Variants in PCDHGA3 observed in about 807,000 individuals in gnomAD.
PCDHGA3 encodes the protein protocadherin gamma-A3.
A neutral mutation model predicts 58.5 loss-of-function variants in PCDHGA3; 40 were observed. That is an observed-to-expected ratio of 0.68 (90% CI 0.53 to 0.89). The LOEUF (loss-of-function observed/expected upper bound fraction) is 0.89, where lower values mean the gene tolerates loss of function less well. Ranked by LOEUF, PCDHGA3 falls within the 40% of genes least tolerant of loss-of-function variation. The probability of loss-of-function intolerance (pLI) is 0.00; values close to 1 mark genes in which losing one functional copy is unlikely to be tolerated. For synonymous variants in PCDHGA3, 530 were observed against 525.7 expected, an observed-to-expected ratio of 1.01 and a Z score of -0.11; for missense variants, 1,223 against 1,195.9, an observed-to-expected ratio of 1.02 and a Z score of -0.33.
rs1228384684 is a variant in PCDHGA3 at position 141,432,189 on chromosome 5, A to G, written c.2425-62618A>G. On this transcript the variant is annotated intron_variant, in intron 1 of 3. Coordinates refer to ENST00000253812, the MANE Select transcript of PCDHGA3 (RefSeq NM_018916.4). This position sits in a 1 kb window ranked among gnomAD's most constrained non-coding sequence, Gnocchi z 6.0. The stretch of plus-strand genomic sequence containing the variant: ...GTTTCCCTCGTCTCTGTGACCGCCC[A>G]CGACCCCGACTGTGAAGAGAACGCC... 6.2e-6 allele frequency: 10 copies of G among 1,613,964 alleles called. No homozygotes were observed. Among genetic ancestry groups the G allele is most frequent in the African/African-American group, 1.3e-5 (1 of 74,878 alleles).
At chr5:141,401,159 T>G (rs2094122338) in intron 1 of PCDHGA3, among the ~76,000 whole-genome samples, 1 of 152,076 alleles carries the variant, frequency 6.6e-6, no homozygotes, top group Admixed American at 6.6e-5. Context: ...CTGGGCAATA[T>G]GGTGAAAACC....
chr5:141,399,950 G>A lies in PCDHGA3; in HGVS notation c.2424+53493G>A, dbSNP rs566695854. On this transcript the variant is annotated intron_variant, in intron 1 of 3. Coordinates refer to ENST00000253812, the MANE Select transcript of PCDHGA3 (RefSeq NM_018916.4). ...CTGTCCTACCACGTGCTGCAGGCTA[G>A]CGAGCCCGGGCTCTTCAGCCTGGGG... The A allele has an allele frequency of 4.3e-6, 7 of 1,612,178 alleles. No individual in the cohort carries two copies. The African/African-American group carries it at 6.7e-5, about 15-fold the overall frequency.
chr5:141,424,768 A>G (rs143190880), intron 1 of PCDHGA3: 38 of 152,284 alleles, frequency 2.5e-4, no homozygotes, highest in African/African-American at 9.1e-4. Context: ...TCTTATGGCA[A>G]ATAGTACATT....
chr5:141,345,241 G>A lies in PCDHGA3; in HGVS notation c.1208G>A (p.Arg403His), dbSNP rs745944664. Reference protein sequence around the residue: ...KLEKSIDQYYRLVTATSLDRE... With the variant: ...KLEKSIDQYYHLVTATSLDRE... ...GAAAAATCAATAGATCAATATTACCGCTTAGTGACGGCCACATCCCTGGAC... is the reference window on the plus strand; with the variant it reads ...GAAAAATCAATAGATCAATATTACCACTTAGTGACGGCCACATCCCTGGAC... Residue 403 changes from arginine (R) to histidine (H), a missense_variant, in exon 1 of 4, where the codon CGC (arginine) becomes CAC (histidine). By Grantham distance (29) the Arg-to-His change is conservative (BLOSUM62 0). Transcript: ENST00000253812. The A allele has an allele frequency of 1.5e-5, 24 of 1,613,750 alleles. No individual in the cohort carries two copies. Among genetic ancestry groups the A allele is most frequent in the East Asian group, 8.9e-5 (4 of 44,888 alleles).
At position 141,494,934 on chromosome 5, in the gene PCDHGA3, T is replaced by C. The variant is rs2099757666; in HGVS notation, c.2483+69T>C. On this transcript the variant is annotated intron_variant, in intron 2 of 3. Transcript: ENST00000253812. ...TTCTCAGGGATGACGTGGGAGGAGA[T>C]GGGGGAGGGCCCAGCATTTGCTACA... 5.6e-6 allele frequency: 9 copies of C among 1,612,736 alleles called. No individual in the cohort carries two copies. The South Asian group carries it at 7.7e-5, about 14-fold the overall frequency.
rs1161697588 is a variant in PCDHGA3, at chr5:141,491,464, T to C, written c.2425-3343T>C. 7 of 1,613,982 alleles carry C rather than the reference T, an allele frequency of 4.3e-6. No homozygotes were observed. In the African/African-American group the frequency reaches 9.3e-5, roughly 22 times the overall value. On this transcript the variant is annotated intron_variant, in intron 1 of 3. Transcript: ENST00000253812. This position sits in a 1 kb window ranked among gnomAD's most constrained non-coding sequence, Gnocchi z 6.9. ...CCAGGACTCACCCTCCCCGGACTTCTATAAGCAGTCCAGCCCCAACCTGCA... is the reference window on the plus strand; with the variant it reads ...CCAGGACTCACCCTCCCCGGACTTCCATAAGCAGTCCAGCCCCAACCTGCA...
At chr5:141,423,362 T>G (rs1419859253) in intron 1 of PCDHGA3, 1 of 1,614,112 alleles carries the variant, frequency 6.2e-7, no homozygotes, top group African/African-American at 1.3e-5. Flanking sequence ...GTCATCGTGC[T>G]GCTGGCACTC....
Position 141,489,646 on chromosome 5 carries a change from C to G in PCDHGA3, c.2425-5161C>G, listed in dbSNP as rs1274955075. The G allele has an allele frequency of 1.2e-6, 2 of 1,614,186 alleles. No individual in the cohort carries two copies. Among genetic ancestry groups the G allele is most frequent in the Non-Finnish European group, 1.7e-6 (2 of 1,180,022 alleles). ...TGACAACTCTCCTAGCTTTGCCACC[C>G]CTGAGCGAGAGATGCGCATCTCAGA... On this transcript the variant is annotated intron_variant, in intron 1 of 3. Coordinates refer to ENST00000253812, the MANE Select transcript of PCDHGA3 (RefSeq NM_018916.4). The surrounding 1 kb of genome is among the most constrained non-coding windows in gnomAD (Gnocchi z 4.5).
chr5:141,359,161 A>T (rs1761134952), intron 1 of PCDHGA3, among the ~76,000 whole-genome samples: 1 of 152,204 alleles, frequency 6.6e-6, no homozygotes. Flanking sequence ...TGATGCAGTT[A>T]CCTGGCTTGG....
intron 1 of PCDHGA3, among the ~76,000 whole-genome samples, chr5:141,473,329 G>A (rs2099319416): frequency 6.6e-6 from 1 of 152,212 alleles, no homozygotes; most frequent in Non-Finnish European, 1.5e-5. Context: ...TTAAGTGCCT[G>A]CTGTGCTAGA....
At chr5:141,390,830 G>A in intron 1 of PCDHGA3, 1 of 164,036 alleles carries the variant, frequency 6.1e-6, no homozygotes, top group Non-Finnish European at 1.3e-5. Flanking sequence ...TATGTCCATG[G>A]ACCCCTTGTG....
intron 1 of PCDHGA3, chr5:141,441,665 A>ACAGTG (rs936537442): frequency 7.5e-6 from 2 of 265,720 alleles, no homozygotes; most frequent in African/African-American, 4.7e-5. Flanking sequence ...CCTTGAGCGC[A>ACAGTG]CAGTGCGCCT....
rs1364128998 is a variant in PCDHGA3, at chr5:141,345,223, C to G, written c.1190C>G (p.Ser397Ter). Reference protein sequence around the residue: ...LGNLPFKLEKSIDQYYRLVTA... With the variant: ...LGNLPFKLEK ...AATCTGCCATTTAAGTTAGAAAAAT[C>G]AATAGATCAATATTACCGCTTAGTG... Residue 397 changes from serine to a stop codon, truncating the protein, a stop_gained, in exon 1 of 4, where the codon TCA becomes TGA. Transcript: ENST00000253812. LOFTEE classifies it high-confidence loss of function. 4 of 1,613,928 alleles carry G rather than the reference C, an allele frequency of 2.5e-6. No homozygotes were observed. Among genetic ancestry groups the G allele is most frequent in the South Asian group, 2.2e-5 (2 of 91,078 alleles).
chr5:141,479,801 G>A (rs2099507037), intron 1 of PCDHGA3, among the ~76,000 whole-genome samples: 1 of 152,118 alleles, frequency 6.6e-6, no homozygotes, highest in Non-Finnish European at 1.5e-5. Flanking sequence ...AATTCAGGGT[G>A]GTATGCAAGG....
At chr5:141,360,594 A>G in intron 1 of PCDHGA3, 1 of 1,614,032 alleles carries the variant, frequency 6.2e-7, no homozygotes, top group Non-Finnish European at 8.5e-7. Context: ...CAACATTTCC[A>G]CTTGACCCAG....
chr5:141,409,156 A>G (rs771600341), intron 1 of PCDHGA3: 1 of 1,613,986 alleles, frequency 6.2e-7, no homozygotes, highest in Non-Finnish European at 8.5e-7. Flanking sequence ...ACACCATGGA[A>G]GTGGAAGCGA....
chr5:141,395,813 A>G (rs1201631661), intron 1 of PCDHGA3: 2 of 152,062 alleles, frequency 1.3e-5, no homozygotes, highest in East Asian at 3.9e-4. Context: ...CAAAACATGA[A>G]CAAACTTTAA....
In PCDHGA3 at chr5:141,346,355, C is replaced by G. The variant is rs754690166; in HGVS notation, c.2322C>G (p.Asn774Lys). The change falls in exon 1 of 4, where the codon AAC (asparagine) becomes AAG (lysine). Residue 774 changes from asparagine to lysine, a missense_variant. Physicochemically the swap from Asn to Lys is moderately conservative, Grantham distance 94. Transcript: ENST00000253812. ...GCCACCTGATTTTCCCCCAGCCCAA[C>G]TATGCGGACACGCTCATCAGCCAGG... Reference protein sequence around the residue: ...RKSHLIFPQPNYADTLISQES... With the variant: ...RKSHLIFPQPKYADTLISQES... 7.4e-6 allele frequency: 12 copies of G among 1,614,258 alleles called. No individual in the cohort carries two copies. The highest frequency in any genetic ancestry group is 1.0e-5 in the Non-Finnish European group (12 of 1,180,042).
Position 141,485,567 on chromosome 5 carries a change from C to G in PCDHGA3, c.2425-9240C>G. The stretch of plus-strand genomic sequence containing the variant: ...CGTAGATGTGAATGATCACGCCCCC[C>G]GTTTTCCGCGGCAGCAGCTGGACTT... On this transcript the variant is annotated intron_variant, in intron 1 of 3. Transcript: ENST00000253812. This position sits in a 1 kb window ranked among gnomAD's most constrained non-coding sequence, Gnocchi z 5.7. 1 of 1,612,882 alleles carries G rather than the reference C, an allele frequency of 6.2e-7. No individual in the cohort carries two copies. The highest frequency in any genetic ancestry group is 8.5e-7 in the Non-Finnish European group (1 of 1,178,978).
Sources: allele counts gnomAD v4.1 joint callset (sites outside exome capture counted in the v4.1 genomes callset), GRCh38; gene constraint gnomAD v4.1.1; non-coding constraint Gnocchi (gnomAD v3.1); transcripts MANE v1.5; gene names NCBI Gene and HGNC (gene_info 2026-07-23, HGNC 2026-07-21).